Variants in ANO4 observed in about 807,000 individuals in gnomAD.
ANO4 encodes anoctamin-4.
A neutral mutation model predicts 141.9 loss-of-function variants in ANO4; 69 were observed. That is an observed-to-expected ratio of 0.49 (90% CI 0.40 to 0.59). The LOEUF (loss-of-function observed/expected upper bound fraction) is 0.59. Among genes scored for constraint, ANO4 ranks in the 20% least tolerant of loss-of-function variants. The pLI, the probability that ANO4 is intolerant of heterozygous loss-of-function variation, is 0.00. For missense variants in ANO4, 894 were observed against 1,162.2 expected, an observed-to-expected ratio of 0.77 and a Z score of 3.36; for synonymous variants, 350 against 394.3, an observed-to-expected ratio of 0.89 and a Z score of 1.33.
At chr12:100,949,461 T>A (rs73375020) in intron 5 of ANO4, among the ~76,000 whole-genome samples, 10,254 of 152,288 alleles carry the variant, frequency 0.067, 1,071 homozygotes, top group African/African-American at 0.22. Flanking sequence ...TTATTTTAAT[T>A]AAGTGAGATC....
In ANO4 at chr12:100,777,092, ATT is replaced by A. The variant is rs34753022; in HGVS notation, c.358+37004_358+37005del. Among the ~76,000 whole-genome samples, 250 of 128,578 alleles carry A rather than the reference ATT, an allele frequency of 1.9e-3. 1 individual carries two copies. Among genetic ancestry groups the A allele is most frequent in the African/African-American group, 4.1e-3 (137 of 33,098 alleles). 84.4% of individuals were successfully genotyped at this position (128,578 alleles called of 152,430 possible). On this transcript the variant is annotated intron_variant, in intron 3 of 29. Transcript: ENST00000644049. ...CCAGGACTAGAAACCAGATATCCTG[ATT>A]TTTTTTTTTTTTTTTTGAGACAGAG...
At chr12:100,915,902 A>G (rs542748525) in intron 2 of ANO4, among the ~76,000 whole-genome samples, 3 of 152,318 alleles carry the variant, frequency 2.0e-5, no homozygotes, top group Admixed American at 6.5e-5. Flanking sequence ...GTTAATTTAC[A>G]TATATGACAT....
intron 8 of ANO4, 110 bp downstream of exon 8, chr12:100,987,780 C>T: frequency 7.0e-7 from 1 of 1,432,416 alleles, no homozygotes; most frequent in Non-Finnish European, 9.4e-7. Context: ...GCATAGTGCC[C>T]TTCTCCCCTA....
At chr12:100,886,006 C>T (rs1307576130) in intron 1 of ANO4, among the ~76,000 whole-genome samples, 5 of 152,118 alleles carry the variant, frequency 3.3e-5, no homozygotes, top group Admixed American at 6.6e-5. Context: ...TCTTTAGATC[C>T]GAAGTCAATT....
At chr12:100,952,895 T>G (rs2043027700) in intron 5 of ANO4, among the ~76,000 whole-genome samples, 1 of 152,206 alleles carries the variant, frequency 6.6e-6, no homozygotes, top group African/African-American at 2.4e-5. Flanking sequence ...CTTGATTTAT[T>G]CAAAGGATTA....
At chr12:101,060,548 T>G (rs886261579) in intron 14 of ANO4, among the ~76,000 whole-genome samples, 1 of 152,214 alleles carries the variant, frequency 6.6e-6, no homozygotes, top group Non-Finnish European at 1.5e-5. Flanking sequence ...ACTTGCTTTA[T>G]GAATCTGGGT....
At position 101,048,323 on chromosome 12, in the gene ANO4, G is replaced by T. The variant is rs752536227; in HGVS notation, c.1252-18G>T. 1.1e-5 allele frequency: 17 copies of T among 1,611,982 alleles called. No individual in the cohort carries two copies. Among genetic ancestry groups the T allele is most frequent in the Non-Finnish European group, 1.4e-5 (16 of 1,178,724 alleles). ...ATATATGAGAAATTAACTCAGCACCGATTCTTATTATTCACAGGTAACCCA... is the reference window on the plus strand; with the variant it reads ...ATATATGAGAAATTAACTCAGCACCTATTCTTATTATTCACAGGTAACCCA... On this transcript the variant is annotated intron_variant, in intron 13 of 27. Coordinates refer to ENST00000392977, the MANE Select transcript of ANO4 (RefSeq NM_001286615.2).
intron 5 of ANO4, among the ~76,000 whole-genome samples, chr12:100,966,688 C>A (rs7302206): frequency 1.3e-5 from 2 of 151,984 alleles, no homozygotes; most frequent in Non-Finnish European, 2.9e-5. Flanking sequence ...ACCCCCATCC[C>A]CCATGCCCAA....
intron 3 of ANO4, among the ~76,000 whole-genome samples, chr12:100,785,695 C>T (rs1350610271): frequency 6.6e-6 from 1 of 152,120 alleles, no homozygotes; most frequent in African/African-American, 2.4e-5. Flanking sequence ...ATGAATAAAG[C>T]AGCTATAGAC....
chr12:100,896,204 A>G (rs2040345208), intron 1 of ANO4, among the ~76,000 whole-genome samples: 1 of 152,170 alleles, frequency 6.6e-6, no homozygotes, highest in East Asian at 1.9e-4. Context: ...GAGTCTTTGC[A>G]TATGTGGTTT....
chr12:100,850,429 C>T (rs991656210), intron 1 of ANO4, among the ~76,000 whole-genome samples: 33 of 152,164 alleles, frequency 2.2e-4, no homozygotes, highest in African/African-American at 8.0e-4. Context: ...TCACATAGTG[C>T]TGGAGCCAGG....
chr12:100,893,047 TC>T (rs1453628436), intron 1 of ANO4, among the ~76,000 whole-genome samples: 1 of 152,104 alleles, frequency 6.6e-6, no homozygotes, highest in African/African-American at 2.4e-5. Context: ...GTTGGGTAGG[TC>T]TTGGTGTAGT....
intron 3 of ANO4, among the ~76,000 whole-genome samples, chr12:100,752,982 C>T (rs2032451289): frequency 6.6e-6 from 1 of 152,142 alleles, no homozygotes; most frequent in African/African-American, 2.4e-5. Context: ...TGGCTCTTGG[C>T]TGATCTAGGT....
chr12:100,964,772 G>A (rs2043577903), intron 5 of ANO4, among the ~76,000 whole-genome samples: 1 of 152,048 alleles, frequency 6.6e-6, no homozygotes, highest in African/African-American at 2.4e-5. Context: ...ATTTCTTCAG[G>A]TCTCTGTTCA....
chr12:101,055,150 T>G (rs192115129), intron 14 of ANO4, among the ~76,000 whole-genome samples: 9 of 152,362 alleles, frequency 5.9e-5, no homozygotes, highest in Admixed American at 2.6e-4. Context: ...TTTTTGTTTT[T>G]GTAAATTTTC....
At chr12:101,023,745 A>G (rs545033393) in intron 9 of ANO4, among the ~76,000 whole-genome samples, 1 of 152,356 alleles carries the variant, frequency 6.6e-6, no homozygotes, top group African/African-American at 2.4e-5. Flanking sequence ...AACCAATCAG[A>G]TAGTAAATTA....
intron 1 of ANO4, among the ~76,000 whole-genome samples, chr12:100,813,964 A>G (rs1445639565): frequency 6.6e-6 from 1 of 152,138 alleles, no homozygotes; most frequent in African/African-American, 2.4e-5. Flanking sequence ...CCACTCATCT[A>G]CTGCATGTAA....
chr12:101,079,706 G>A (rs1237908590), intron 15 of ANO4, among the ~76,000 whole-genome samples: 3 of 152,212 alleles, frequency 2.0e-5, no homozygotes, highest in Non-Finnish European at 4.4e-5. Context: ...GGTGTGCACA[G>A]GCTCTGAAGT....
At chr12:100,786,264 G>A (rs2033870533) in intron 3 of ANO4, among the ~76,000 whole-genome samples, 1 of 152,174 alleles carries the variant, frequency 6.6e-6, no homozygotes, top group Non-Finnish European at 1.5e-5. Context: ...TTTAGGCGCT[G>A]ATGGTTATTG....
Sources: gnomAD v4.1 joint callset for allele counts (sites outside exome capture counted in the v4.1 genomes callset) on GRCh38, gnomAD v4.1.1 for gene constraint, MANE v1.5 for transcripts, NCBI Gene and HGNC (gene_info 2026-07-23, HGNC 2026-07-21) for gene names.